The following KCNQ1OT1 variants were observed in gnomAD, a reference collection of about 807,000 sequenced individuals.
KCNQ1OT1 encodes KCNQ1 antisense RNA 2 (non-protein coding).
chr11:2,667,098 T>G, exon 1 of KCNQ1OT1: 1 of 398,606 alleles, frequency 2.5e-6, no homozygotes, highest in Non-Finnish European at 4.4e-6. Context: ...TCTAATTAAA[T>G]TAAAACCGAG....
chr11:2,649,946 A>C, exon 1 of KCNQ1OT1: 1 of 398,476 alleles, frequency 2.5e-6, no homozygotes, highest in East Asian at 3.6e-5. Context: ...TTAGCTTAAT[A>C]GTGTCTCATA....
exon 1 of KCNQ1OT1, chr11:2,685,126 A>G: frequency 5.0e-6 from 2 of 398,686 alleles, no homozygotes; most frequent in Non-Finnish European, 8.8e-6. Flanking sequence ...TCTGATGGTC[A>G]GAGCTAATCA....
Position 2,653,705 on chromosome 11 carries a change from C to A in KCNQ1OT1, n.46290G>T. On this transcript the variant is annotated non_coding_transcript_exon_variant, in exon 1 of 1. Transcript: ENST00000597346. The surrounding 1 kb of genome is among the most constrained non-coding windows in gnomAD (Gnocchi z 5.3). ...CTCAGGAAGCCCAGCAGAACGAGGT[C>A]ATCTCTTCCAGGATTCCTGCCAGAA... 2.5e-6 allele frequency: 1 copy of A among 398,686 alleles called. No individual in the cohort carries two copies. Among genetic ancestry groups the A allele is most frequent in the Non-Finnish European group, 4.4e-6 (1 of 226,100 alleles). The allele number at this position is 398,686 out of a possible 1,614,324, so 24.7% of individuals were successfully genotyped here.
In KCNQ1OT1 at chr11:2,627,351, A is replaced by G. The variant is rs12365197; in HGVS notation, n.72644T>C. The G allele has an allele frequency of 0.15, 58,564 of 398,370 alleles. 4,523 individuals carry two copies. The highest frequency in any genetic ancestry group is 0.2 in the African/African-American group (9,805 of 48,646). 24.7% of individuals were successfully genotyped at this position (398,370 alleles called of 1,614,324 possible). On this transcript the variant is annotated non_coding_transcript_exon_variant, in exon 1 of 1. Coordinates refer to ENST00000597346, the Ensembl canonical transcript of KCNQ1OT1. The surrounding 1 kb of genome is among the most constrained non-coding windows in gnomAD (Gnocchi z 4.9). Reference sequence around the variant, plus strand: ...TACCTAAGCTATACTCTCTTAGCAAATTCCAAGTATAGAATATATTAACTA... The same window carrying G: ...TACCTAAGCTATACTCTCTTAGCAAGTTCCAAGTATAGAATATATTAACTA...
rs1241586544 is a variant in KCNQ1OT1 at position 2,612,862 on chromosome 11, G to A, written n.87133C>T. Reference sequence around the variant, plus strand: ...TATATCGTAGAAACTCTGGATTCTAGTTCTTCTCCCTAACCAGGGATGATT... The same window carrying A: ...TATATCGTAGAAACTCTGGATTCTAATTCTTCTCCCTAACCAGGGATGATT... On this transcript the variant is annotated non_coding_transcript_exon_variant, in exon 1 of 1. Coordinates refer to ENST00000597346, the Ensembl canonical transcript of KCNQ1OT1. The surrounding 1 kb of genome is among the most constrained non-coding windows in gnomAD (Gnocchi z 5.5). 2.5e-6 allele frequency: 1 copy of A among 398,410 alleles called. No homozygotes were observed. Among genetic ancestry groups the A allele is most frequent in the Non-Finnish European group, 4.4e-6 (1 of 226,028 alleles). The allele number at this position is 398,410 out of a possible 1,614,324, so 24.7% of individuals were successfully genotyped here. A position where few individuals can be genotyped will look rare whatever the true frequency, so the allele number is the denominator to read the frequency against.
chr11:2,682,628 C>A lies in KCNQ1OT1; in HGVS notation n.17367G>T. The A allele has an allele frequency of 2.5e-6, 1 of 398,590 alleles. No individual in the cohort carries two copies. Among genetic ancestry groups the A allele is most frequent in the Non-Finnish European group, 4.4e-6 (1 of 226,104 alleles). The allele number at this position is 398,590 out of a possible 1,614,324, so 24.7% of individuals were successfully genotyped here. A position where few individuals can be genotyped will look rare whatever the true frequency, so the allele number is the denominator to read the frequency against. ...TAAGGCTTGAGAGCTCTTCTTCAGG[C>A]TCAGTCATCCCTGCTTCCCCAGGGC... On this transcript the variant is annotated non_coding_transcript_exon_variant, in exon 1 of 1. Transcript: ENST00000597346. This position sits in a 1 kb window ranked among gnomAD's most constrained non-coding sequence, Gnocchi z 5.8.
In KCNQ1OT1 at chr11:2,620,728, A is replaced by G. The variant is rs988571634; in HGVS notation, n.79267T>C. On this transcript the variant is annotated non_coding_transcript_exon_variant, in exon 1 of 1. Transcript: ENST00000597346. The surrounding 1 kb of genome is among the most constrained non-coding windows in gnomAD (Gnocchi z 4.5). Reference sequence around the variant, plus strand: ...TCCAGTAATGGGATTGCTGGGTCAGATGGTAGTTCTGTTTTCAGTTATTTG... The same window carrying G: ...TCCAGTAATGGGATTGCTGGGTCAGGTGGTAGTTCTGTTTTCAGTTATTTG... 5 of 398,472 alleles carry G rather than the reference A, an allele frequency of 1.3e-5. No homozygotes were observed. Among genetic ancestry groups the G allele is most frequent in the Non-Finnish European group, 2.2e-5 (5 of 226,066 alleles). The allele number at this position is 398,472 out of a possible 1,614,324, so 24.7% of individuals were successfully genotyped here.
chr11:2,661,888 C>T lies in KCNQ1OT1; in HGVS notation n.38107G>A. On this transcript the variant is annotated non_coding_transcript_exon_variant, in exon 1 of 1. Transcript: ENST00000597346. This position sits in a 1 kb window ranked among gnomAD's most constrained non-coding sequence, Gnocchi z 5.9. ...CACTCCTCACCTGGCCCTGGGAGCT[C>T]ACAGGCCTGGCTCCACAGCACTGGC... 1.9e-6 allele frequency: 3 copies of T among 1,598,488 alleles called. No homozygotes were observed. The highest frequency in any genetic ancestry group is 2.6e-6 in the Non-Finnish European group (3 of 1,166,842).
chr11:2,655,673 C>G (rs1215049895), exon 1 of KCNQ1OT1: 2 of 136,384 alleles, frequency 1.5e-5, no homozygotes, highest in African/African-American at 5.4e-5. Context: ...AGAGCTGAAT[C>G]CCCACCCACC....
At position 2,670,373 on chromosome 11, in the gene KCNQ1OT1, T is replaced by C. The variant is rs551027545; in HGVS notation, n.29622A>G. ...TTCAGATGGTTAGTATAGGCTGAAA[T>C]TCCAAGAGCATTAACCAGACACCTA... is the stretch of plus-strand genomic sequence containing the variant. On this transcript the variant is annotated non_coding_transcript_exon_variant, in exon 1 of 1. Transcript: ENST00000597346. This position sits in a 1 kb window ranked among gnomAD's most constrained non-coding sequence, Gnocchi z 4.9. 2 of 398,286 alleles carry C rather than the reference T, an allele frequency of 5.0e-6. No homozygotes were observed. Among genetic ancestry groups the C allele is most frequent in the Non-Finnish European group, 8.8e-6 (2 of 226,042 alleles). The allele number at this position is 398,286 out of a possible 1,614,324, so 24.7% of individuals were successfully genotyped here.
At chr11:2,697,046 GA>G (rs1850689283) in exon 1 of KCNQ1OT1, 1 of 398,270 alleles carries the variant, frequency 2.5e-6, no homozygotes, top group South Asian at 1.3e-4. Context: ...ACCCTTTCAG[GA>G]AAGGTCAAAA....
Position 2,613,208 on chromosome 11 carries a change from G to A in KCNQ1OT1, n.86787C>T, listed in dbSNP as rs1849009489. The A allele has an allele frequency of 2.5e-6, 1 of 398,390 alleles. No individual in the cohort carries two copies. Among genetic ancestry groups the A allele is most frequent in the Admixed American group, 4.4e-5 (1 of 22,696 alleles). The allele number at this position is 398,390 out of a possible 1,614,324, so 24.7% of individuals were successfully genotyped here. A position where few individuals can be genotyped will look rare whatever the true frequency, so the allele number is the denominator to read the frequency against. ...TTATAACTCTGTCCTGTATTTTACT[G>A]TCTGCTTGCAAAAGGTCTCACAGTC... On this transcript the variant is annotated non_coding_transcript_exon_variant, in exon 1 of 1. Transcript: ENST00000597346. The surrounding 1 kb of genome is among the most constrained non-coding windows in gnomAD (Gnocchi z 4.8).
At chr11:2,648,981 CTTTTTTT>C in exon 1 of KCNQ1OT1, 83 of 312,512 alleles carry the variant, frequency 2.7e-4, no homozygotes, top group South Asian at 2.2e-3. Flanking sequence ...TTTTCTTTTT[CTTTTTTT>C]TTTTTTTTTT....
Position 2,661,819 on chromosome 11 carries a change from C to T in KCNQ1OT1, n.38176G>A. The T allele has an allele frequency of 9.8e-7, 1 of 1,016,582 alleles. No homozygotes were observed. Among genetic ancestry groups the T allele is most frequent in the Non-Finnish European group, 1.5e-6 (1 of 661,888 alleles). The allele number at this position is 1,016,582 out of a possible 1,614,324, so 63.0% of individuals were successfully genotyped here. On this transcript the variant is annotated non_coding_transcript_exon_variant, in exon 1 of 1. Transcript: ENST00000597346. This position sits in a 1 kb window ranked among gnomAD's most constrained non-coding sequence, Gnocchi z 5.9. Reference sequence around the variant, plus strand: ...AACACCCACCCACCCCAACACCCAACTATAAAACTGATTGTCAGGGCTGGA... The same window carrying T: ...AACACCCACCCACCCCAACACCCAATTATAAAACTGATTGTCAGGGCTGGA...
Position 2,617,618 on chromosome 11 carries a change from AT to A in KCNQ1OT1, n.82376del, listed in dbSNP as rs1369350584. The A allele has an allele frequency of 2.5e-6, 1 of 398,320 alleles. No individual in the cohort carries two copies. The highest frequency in any genetic ancestry group is 2.1e-5 in the African/African-American group (1 of 48,606). 24.7% of individuals were successfully genotyped at this position (398,320 alleles called of 1,614,324 possible). ...TGGGTCAGATGATAGTATATTTTCAATTTCTTTAGGAGCCACCATTCTGTTT... is the reference window on the plus strand; with the variant it reads ...TGGGTCAGATGATAGTATATTTTCAATTCTTTAGGAGCCACCATTCTGTTT... On this transcript the variant is annotated non_coding_transcript_exon_variant, in exon 1 of 1. Coordinates refer to ENST00000597346, the Ensembl canonical transcript of KCNQ1OT1. The surrounding 1 kb of genome is among the most constrained non-coding windows in gnomAD (Gnocchi z 4.6).
At chr11:2,686,993 A>T in exon 1 of KCNQ1OT1, 1 of 398,662 alleles carries the variant, frequency 2.5e-6, no homozygotes, top group African/African-American at 2.1e-5. Context: ...CTGGGCCCTG[A>T]CTTGCTAAGA....
exon 1 of KCNQ1OT1, chr11:2,632,635 C>T (rs1324001001): frequency 5.0e-6 from 2 of 398,184 alleles, no homozygotes; most frequent in Non-Finnish European, 8.9e-6. Flanking sequence ...TTAGCATATT[C>T]ATCAACTCAA....
rs2133798677 is a variant in KCNQ1OT1 at position 2,617,075 on chromosome 11, G to C, written n.82920C>G. ...TCCATCATCTCACAGTTATTCTTTT[G>C]TGTGTATGAGTGAGAAAAGCTATGA... On this transcript the variant is annotated non_coding_transcript_exon_variant, in exon 1 of 1. Coordinates refer to ENST00000597346, the Ensembl canonical transcript of KCNQ1OT1. This position sits in a 1 kb window ranked among gnomAD's most constrained non-coding sequence, Gnocchi z 4.6. The C allele has an allele frequency of 2.5e-6, 1 of 397,660 alleles. No individual in the cohort carries two copies. The allele number at this position is 397,660 out of a possible 1,614,324, so 24.6% of individuals were successfully genotyped here. A position where few individuals can be genotyped will look rare whatever the true frequency, so the allele number is the denominator to read the frequency against.
Position 2,669,941 on chromosome 11 carries a change from G to A in KCNQ1OT1, n.30054C>T, listed in dbSNP as rs2133866977. 2.5e-6 allele frequency: 1 copy of A among 398,690 alleles called. No individual in the cohort carries two copies. The highest frequency in any genetic ancestry group is 4.4e-5 in the Admixed American group (1 of 22,744). The allele number at this position is 398,690 out of a possible 1,614,324, so 24.7% of individuals were successfully genotyped here. Reference sequence around the variant, plus strand: ...AAGCTCCAGGACAGTCTGGAGTCAGGTGGAGGGAAGGGAAGTCTAGAGGTC... The same window carrying A: ...AAGCTCCAGGACAGTCTGGAGTCAGATGGAGGGAAGGGAAGTCTAGAGGTC... On this transcript the variant is annotated non_coding_transcript_exon_variant, in exon 1 of 1. Coordinates refer to ENST00000597346, the Ensembl canonical transcript of KCNQ1OT1. This position sits in a 1 kb window ranked among gnomAD's most constrained non-coding sequence, Gnocchi z 5.6.
Sources: gnomAD v4.1 joint callset for allele counts on GRCh38, gnomAD v4.1.1 for gene constraint, Gnocchi (gnomAD v3.1) non-coding constraint, MANE v1.5 for transcripts, NCBI Gene and HGNC (gene_info 2026-07-23, HGNC 2026-07-21) for gene names.